Variants in LRRC37A2 observed in about 807,000 individuals in gnomAD.
LRRC37A2 encodes leucine-rich repeat-containing protein 37A2.
A neutral mutation model predicts 68.8 loss-of-function variants in LRRC37A2; 9 were observed. The ratio of observed to expected loss-of-function variants is 0.13; its 90% confidence interval spans 0.08 to 0.23. The LOEUF (loss-of-function observed/expected upper bound fraction) is 0.23, where lower values mean the gene tolerates loss of function less well. Among genes scored for constraint, LRRC37A2 ranks in the 10% least tolerant of loss-of-function variants. The pLI is 1.00. For synonymous variants in LRRC37A2, 63 were observed against 367.6 expected, an observed-to-expected ratio of 0.17 and a Z score of 9.48; for missense variants, 168 against 950.4, an observed-to-expected ratio of 0.18 and a Z score of 10.82.
chr17:46,793,228 C>G, the LRRC37A2 span, among the ~76,000 whole-genome samples: 1 of 128,256 alleles, frequency 7.8e-6, no homozygotes, highest in Non-Finnish European at 1.6e-5. Flanking sequence ...GAGCCAAGAT[C>G]GAGCCATTTT....
At chr17:46,887,716 A>T in the LRRC37A2 span, among the ~76,000 whole-genome samples, 1 of 152,154 alleles carries the variant, frequency 6.6e-6, no homozygotes, top group African/African-American at 2.4e-5. Context: ...GTGAGCCAAG[A>T]TCACTCCACT....
the LRRC37A2 span, among the ~76,000 whole-genome samples, chr17:46,943,422 C>G: frequency 2.0e-5 from 3 of 152,210 alleles, no homozygotes; most frequent in Non-Finnish European, 4.4e-5. Flanking sequence ...CTTCTCAGAA[C>G]ATGCCACACA....
chr17:46,754,730 A>G, the LRRC37A2 span, among the ~76,000 whole-genome samples: 5 of 152,250 alleles, frequency 3.3e-5, no homozygotes, highest in Non-Finnish European at 5.9e-5. Context: ...TCGCAGTCAC[A>G]GGAGACCCAG....
chr17:46,907,125 C>T, the LRRC37A2 span, among the ~76,000 whole-genome samples: 2 of 152,146 alleles, frequency 1.3e-5, no homozygotes, highest in Non-Finnish European at 2.9e-5. Context: ...AAGCAGTTGC[C>T]AATGAAGGGA....
At chr17:46,826,781 C>CT in the LRRC37A2 span, among the ~76,000 whole-genome samples, 14,120 of 117,586 alleles carry the variant, frequency 0.12, 965 homozygotes, top group Middle Eastern at 0.16. Flanking sequence ...ATCAGCTGCT[C>CT]TTTTTTTTTT....
chr17:46,840,000 CTTCTTTCTTTCTTTCTTTCT>C, the LRRC37A2 span, among the ~76,000 whole-genome samples: 28 of 125,114 alleles, frequency 2.2e-4, no homozygotes, highest in African/African-American at 7.8e-4. Context: ...TTTTTTCTTT[CTTCTTTCTTTCTTTCTTTCT>C]TTCTTTCTTT....
the LRRC37A2 span, among the ~76,000 whole-genome samples, chr17:46,758,410 C>T: frequency 6.6e-6 from 1 of 152,326 alleles, no homozygotes; most frequent in East Asian, 1.9e-4. Context: ...TCTTCAAAGC[C>T]AGTGCTGTAC....
chr17:46,493,911 A>C, the LRRC37A2 span, among the ~76,000 whole-genome samples: 1 of 151,000 alleles, frequency 6.6e-6, no homozygotes, highest in African/African-American at 2.5e-5. Context: ...GGCTCACTGC[A>C]GCCTGTCATT....
the LRRC37A2 span, among the ~76,000 whole-genome samples, chr17:46,719,136 G>T: frequency 6.6e-6 from 1 of 152,146 alleles, no homozygotes; most frequent in Non-Finnish European, 1.5e-5. The surrounding 1 kb of genome is among the most constrained non-coding windows in gnomAD (Gnocchi z 4.3). Flanking sequence ...TTGGCATTTA[G>T]TTATTTCTTT....
chr17:46,872,258 G>A, the LRRC37A2 span, among the ~76,000 whole-genome samples: 1 of 152,192 alleles, frequency 6.6e-6, no homozygotes, highest in East Asian at 1.9e-4. Flanking sequence ...TTTCTAACTG[G>A]GCCAATAGGG....
At chr17:46,941,683 C>CATA in the LRRC37A2 span, 1 of 159,414 alleles carries the variant, frequency 6.3e-6, no homozygotes, top group South Asian at 2.0e-4. Flanking sequence ...AGGTGATCCT[C>CATA]ATACCTCAGC....
the LRRC37A2 span, among the ~76,000 whole-genome samples, chr17:46,852,240 C>T: frequency 3.9e-5 from 6 of 151,996 alleles, no homozygotes; most frequent in Non-Finnish European, 7.4e-5. Context: ...GAGGATCGTG[C>T]GCGTCCAGGG....
At chr17:47,006,623 T>C in the LRRC37A2 span, among the ~76,000 whole-genome samples, 2 of 152,024 alleles carry the variant, frequency 1.3e-5, no homozygotes, top group Non-Finnish European at 2.9e-5. Flanking sequence ...AATAAATAAA[T>C]AAAGGCCAAC....
the LRRC37A2 span, among the ~76,000 whole-genome samples, chr17:46,900,768 T>G: frequency 2.6e-5 from 4 of 152,248 alleles, no homozygotes; most frequent in African/African-American, 7.2e-5. Flanking sequence ...ATGTGTTTTT[T>G]TTCTTTCCAT....
At chr17:46,794,828 G>A in the LRRC37A2 span, among the ~76,000 whole-genome samples, 2 of 147,116 alleles carry the variant, frequency 1.4e-5, no homozygotes, top group African/African-American at 5.1e-5. Flanking sequence ...CCAGCTCACT[G>A]CAACCTGCAC....
At chr17:46,978,770 C>T in the LRRC37A2 span, 1 of 1,612,578 alleles carries the variant, frequency 6.2e-7, no homozygotes, top group Non-Finnish European at 8.5e-7. Flanking sequence ...CCGAAGACCA[C>T]GGTAAGCGAC....
chr17:46,849,562 G>A, the LRRC37A2 span, among the ~76,000 whole-genome samples: 21 of 152,280 alleles, frequency 1.4e-4, no homozygotes, highest in Middle Eastern at 6.8e-3. Context: ...TTCTGTGATC[G>A]TGGTTCAAAA....
the LRRC37A2 span, among the ~76,000 whole-genome samples, chr17:46,963,362 TG>T: frequency 6.6e-6 from 1 of 152,086 alleles, no homozygotes; most frequent in Non-Finnish European, 1.5e-5. Flanking sequence ...CTGAACAACA[TG>T]GTAAAATCCC....
the LRRC37A2 span, among the ~76,000 whole-genome samples, chr17:46,851,061 G>A: frequency 6.6e-6 from 1 of 152,168 alleles, no homozygotes; most frequent in Admixed American, 6.5e-5. This position sits in a 1 kb window ranked among gnomAD's most constrained non-coding sequence, Gnocchi z 4.3. Flanking sequence ...CATTTCCCCC[G>A]CTTCCAGAGA....
Sources: allele counts gnomAD v4.1 joint callset (sites outside exome capture counted in the v4.1 genomes callset), GRCh38; gene constraint gnomAD v4.1.1; non-coding constraint Gnocchi (gnomAD v3.1); transcripts MANE v1.5; gene names NCBI Gene and HGNC (gene_info 2026-07-23, HGNC 2026-07-21).